Variants in FCHSD2 observed in about 807,000 individuals in gnomAD.
FCHSD2 encodes F-BAR and double SH3 domains protein 2.
FCHSD2 carries 38 observed loss-of-function variants against 108.1 expected under a neutral mutation model. The observed-to-expected ratio is 0.35, with a 90% CI of 0.27 to 0.46. The LOEUF (loss-of-function observed/expected upper bound fraction) is 0.46. Ranked by LOEUF, FCHSD2 falls within the 20% of genes least tolerant of loss-of-function variation. The pLI is 1.00. For synonymous variants in FCHSD2, 279 were observed against 314.7 expected (o/e 0.89, Z 1.20); for missense variants, 751 against 897.8 (o/e 0.84, Z 2.09).
At chr11:72,952,927 T>A (rs989900547) in intron 8 of FCHSD2, among the ~76,000 whole-genome samples, 4 of 152,140 alleles carry the variant, frequency 2.6e-5, no homozygotes, top group African/African-American at 9.7e-5. Flanking sequence ...TTCCTCAAGG[T>A]CAGCAGTTCA....
intron 3 of FCHSD2, among the ~76,000 whole-genome samples, chr11:73,065,397 A>G (rs970792850): frequency 3.9e-5 from 6 of 152,208 alleles, no homozygotes; most frequent in African/African-American, 1.4e-4. Flanking sequence ...CACAGCCAAT[A>G]TCATACTGAA....
At chr11:72,940,050 A>C (rs937705366) in intron 8 of FCHSD2, among the ~76,000 whole-genome samples, 22 of 152,212 alleles carry the variant, frequency 1.4e-4, no homozygotes, top group African/African-American at 4.8e-4. Flanking sequence ...CCTGTATAGA[A>C]AATGCAAGCA....
At chr11:72,976,214 T>C (rs1857101958) in intron 8 of FCHSD2, among the ~76,000 whole-genome samples, 1 of 152,238 alleles carries the variant, frequency 6.6e-6, no homozygotes, top group South Asian at 2.1e-4. Context: ...TAGTAACTAC[T>C]GGCATAAGAA....
At chr11:73,117,159 A>G (rs571329020) in intron 2 of FCHSD2, among the ~76,000 whole-genome samples, 1 of 152,358 alleles carries the variant, frequency 6.6e-6, no homozygotes, top group Non-Finnish European at 1.5e-5. Flanking sequence ...TAACAAATAC[A>G]TTCTACATGT....
At chr11:72,925,813 C>T (rs1240458426) in intron 8 of FCHSD2, among the ~76,000 whole-genome samples, 1 of 152,172 alleles carries the variant, frequency 6.6e-6, no homozygotes, top group Non-Finnish European at 1.5e-5. Flanking sequence ...GAGCCCTGCC[C>T]CTTCTGAGTT....
At chr11:73,051,759 A>C (rs910493857) in intron 3 of FCHSD2, among the ~76,000 whole-genome samples, 6 of 152,176 alleles carry the variant, frequency 3.9e-5, no homozygotes, top group Admixed American at 3.9e-4. Context: ...TGAAATAAAT[A>C]GTAGTGAATT....
At position 73,120,369 on chromosome 11, in the gene FCHSD2, T is replaced by A. The variant is rs562332145; in HGVS notation, c.119+19662A>T. ...TACATTTTAAAAGTCTATTAAGTAT[T>A]AATTGGCCAACAATGTCTCATTTGG... On this transcript the variant is annotated intron_variant, in intron 2 of 19. Coordinates refer to ENST00000409418, the MANE Select transcript of FCHSD2 (RefSeq NM_014824.3). 3.3e-5 allele frequency among the ~76,000 whole-genome samples: 5 copies of A among 152,346 alleles called. No individual in the cohort carries two copies. The East Asian group carries it at 9.6e-4, about 29-fold the overall frequency.
intron 10 of FCHSD2, among the ~76,000 whole-genome samples, chr11:72,891,601 A>C (rs1320876411): frequency 1.3e-5 from 2 of 152,280 alleles, no homozygotes; most frequent in African/African-American, 4.8e-5. Context: ...CTGGACACAG[A>C]TACAAATGAA....
chr11:73,063,121 G>A (rs995132282), intron 3 of FCHSD2, among the ~76,000 whole-genome samples: 13 of 152,108 alleles, frequency 8.5e-5, no homozygotes, highest in African/African-American at 2.9e-4. Flanking sequence ...AGAAGAGAGT[G>A]GGGGCCAATA....
rs1046118215 is a variant in FCHSD2, at chr11:73,097,764, A to G, written c.120-14024T>C. ...ATTATCTAATTTTTGAAGAATTATT[A>G]TTCATGTTATCATAATCCTTTTAGT... On this transcript the variant is annotated intron_variant, in intron 2 of 19. Coordinates refer to ENST00000409418, the MANE Select transcript of FCHSD2 (RefSeq NM_014824.3). Among the ~76,000 whole-genome samples the G allele has an allele frequency of 2.6e-5, 4 of 151,886 alleles. No homozygotes were observed. In the South Asian group the frequency reaches 8.3e-4, roughly 32 times the overall value.
chr11:72,949,837 T>C (rs780048470), intron 8 of FCHSD2, among the ~76,000 whole-genome samples: 1 of 152,256 alleles, frequency 6.6e-6, no homozygotes, highest in Non-Finnish European at 1.5e-5. Context: ...CTACAAACAT[T>C]TGTGTACACA....
intron 8 of FCHSD2, among the ~76,000 whole-genome samples, chr11:72,978,854 C>CTTTTTTTT (rs1190277188): frequency 8.1e-5 from 9 of 110,874 alleles, no homozygotes; most frequent in Non-Finnish European, 1.4e-4. Flanking sequence ...GTAGCTCTTT[C>CTTTTTTTT]TTTTTTTTTT....
At chr11:72,918,536 TC>T (rs1855919745) in intron 9 of FCHSD2, among the ~76,000 whole-genome samples, 1 of 152,148 alleles carries the variant, frequency 6.6e-6, no homozygotes, top group Non-Finnish European at 1.5e-5. Flanking sequence ...TTATGTAAGT[TC>T]CCTTCTATTC....
intron 8 of FCHSD2, among the ~76,000 whole-genome samples, chr11:72,951,387 A>C (rs146370009): frequency 6.6e-6 from 1 of 152,344 alleles, no homozygotes; most frequent in Non-Finnish European, 1.5e-5. Context: ...CTGGCATATG[A>C]TAACACAGCA....
chr11:73,023,293 T>G (rs1858151564), intron 3 of FCHSD2, among the ~76,000 whole-genome samples: 1 of 152,102 alleles, frequency 6.6e-6, no homozygotes, highest in Admixed American at 6.5e-5. Context: ...AAATCATGTA[T>G]CTGATAAAGG....
chr11:73,093,031 G>A (rs1022307372), intron 2 of FCHSD2, among the ~76,000 whole-genome samples: 3 of 152,160 alleles, frequency 2.0e-5, no homozygotes, highest in African/African-American at 7.2e-5. Context: ...AACCTCTGGA[G>A]AGGCTGGAGG....
At chr11:73,061,934 C>A (rs1213282122) in intron 3 of FCHSD2, among the ~76,000 whole-genome samples, 1 of 152,168 alleles carries the variant, frequency 6.6e-6, no homozygotes, top group African/African-American at 2.4e-5. Context: ...AGTAGTGGAC[C>A]TCCCAGCACT....
At position 73,033,275 on chromosome 11, in the gene FCHSD2, G is replaced by A. The variant is rs189558195; in HGVS notation, c.166-17390C>T. Among the ~76,000 whole-genome samples, 1,156 of 146,300 alleles carry A rather than the reference G, an allele frequency of 7.9e-3. 1 individual carries two copies. Among genetic ancestry groups the A allele is most frequent in the African/African-American group, 0.012 (471 of 40,196 alleles). ...TGCACTCCAGCCTGGGCAACAGAGC[G>A]AGATTCCGACTCAAAAAAAAAAAAA... On this transcript the variant is annotated intron_variant, in intron 3 of 19. Transcript: ENST00000409418.
At chr11:73,002,627 TG>T (rs1857648915) in intron 4 of FCHSD2, among the ~76,000 whole-genome samples, 1 of 152,220 alleles carries the variant, frequency 6.6e-6, no homozygotes, top group African/African-American at 2.4e-5. Flanking sequence ...CATTATAAAT[TG>T]TGATAGGAAG....
Sources: allele counts gnomAD v4.1 joint callset (sites outside exome capture counted in the v4.1 genomes callset), GRCh38; gene constraint gnomAD v4.1.1; transcripts MANE v1.5; gene names NCBI Gene and HGNC (gene_info 2026-07-23, HGNC 2026-07-21).